The following AFG2A variants were observed in gnomAD, a reference collection of about 807,000 sequenced individuals.
AFG2A encodes the protein ATPase family gene 2 protein homolog A.
the AFG2A span, chr4:122,933,434 T>C: frequency 6.2e-7 from 1 of 1,611,508 alleles, no homozygotes; most frequent in African/African-American, 1.3e-5. Flanking sequence ...CTTATCCTTT[T>C]ACAGTGACAA....
At chr4:122,938,264 A>G in the AFG2A span, 2 of 1,553,788 alleles carry the variant, frequency 1.3e-6, no homozygotes, top group Non-Finnish European at 1.7e-6. Flanking sequence ...GTATAGCACT[A>G]GTATTGATTC....
At chr4:122,926,945 C>G in the AFG2A span, among the ~76,000 whole-genome samples, 6 of 151,468 alleles carry the variant, frequency 4.0e-5, no homozygotes, top group Admixed American at 4.0e-4. Flanking sequence ...ATGGTAAATG[C>G]TATTAACTGG....
the AFG2A span, among the ~76,000 whole-genome samples, chr4:123,278,092 T>A: frequency 6.6e-6 from 1 of 152,070 alleles, no homozygotes; most frequent in Non-Finnish European, 1.5e-5. Flanking sequence ...TGTCTGGTCC[T>A]GGGCTTTTCT....
chr4:123,240,455 G>T, the AFG2A span, among the ~76,000 whole-genome samples: 51 of 152,270 alleles, frequency 3.3e-4, 1 homozygote, highest in African/African-American at 1.2e-3. Flanking sequence ...AATGAAATTA[G>T]AACTCAGGAT....
chr4:123,128,713 GA>G, the AFG2A span, among the ~76,000 whole-genome samples: 13 of 149,598 alleles, frequency 8.7e-5, no homozygotes, highest in African/African-American at 2.7e-4. Context: ...TTCAGTGACT[GA>G]AAAAAAAATG....
the AFG2A span, among the ~76,000 whole-genome samples, chr4:123,263,670 A>G: frequency 6.6e-6 from 1 of 152,236 alleles, no homozygotes; most frequent in Non-Finnish European, 1.5e-5. Context: ...ATACCACTTT[A>G]TTCCTATAAG....
At chr4:123,024,902 G>T in the AFG2A span, among the ~76,000 whole-genome samples, 1 of 152,156 alleles carries the variant, frequency 6.6e-6, no homozygotes, top group South Asian at 2.1e-4. Flanking sequence ...CAGGCTCCTG[G>T]TCCTTCTCCC....
the AFG2A span, among the ~76,000 whole-genome samples, chr4:123,141,952 A>G: frequency 6.6e-6 from 1 of 152,062 alleles, no homozygotes; most frequent in Non-Finnish European, 1.5e-5. Context: ...CCTTGGCAGT[A>G]TTGTCCTTAG....
At chr4:123,127,214 A>G in the AFG2A span, among the ~76,000 whole-genome samples, 1 of 152,224 alleles carries the variant, frequency 6.6e-6, no homozygotes, top group South Asian at 2.1e-4. Context: ...CTAAAAATAA[A>G]TAAACATAAG....
the AFG2A span, among the ~76,000 whole-genome samples, chr4:123,033,289 C>T: frequency 6.6e-6 from 1 of 152,142 alleles, no homozygotes; most frequent in Non-Finnish European, 1.5e-5. Context: ...AACTTTCTGA[C>T]TCAAGAGTCT....
the AFG2A span, among the ~76,000 whole-genome samples, chr4:123,163,324 T>G: frequency 6.6e-6 from 1 of 152,104 alleles, no homozygotes; most frequent in Non-Finnish European, 1.5e-5. Flanking sequence ...TAATCCCAAC[T>G]ACTCGGGAGG....
chr4:122,952,116 T>G, the AFG2A span, among the ~76,000 whole-genome samples: 1 of 152,196 alleles, frequency 6.6e-6, no homozygotes, highest in Non-Finnish European at 1.5e-5. Flanking sequence ...TTTTGTAATG[T>G]CCTCTACTTG....
At chr4:123,149,049 G>A in the AFG2A span, among the ~76,000 whole-genome samples, 22 of 152,154 alleles carry the variant, frequency 1.4e-4, no homozygotes, top group African/African-American at 5.1e-4. Context: ...GATTATAGGC[G>A]TGAGCCACGG....
At chr4:122,939,519 C>G in the AFG2A span, among the ~76,000 whole-genome samples, 2 of 152,060 alleles carry the variant, frequency 1.3e-5, no homozygotes, top group Non-Finnish European at 2.9e-5. Flanking sequence ...ACTTTTCATG[C>G]TGGATTATGA....
the AFG2A span, chr4:123,313,989 G>A: frequency 6.2e-7 from 1 of 1,612,314 alleles, no homozygotes; most frequent in African/African-American, 1.3e-5. Flanking sequence ...TGAGCACTGT[G>A]ACACCTAGAA....
At chr4:123,196,928 T>A in the AFG2A span, among the ~76,000 whole-genome samples, 2 of 152,204 alleles carry the variant, frequency 1.3e-5, no homozygotes, top group Non-Finnish European at 2.9e-5. Context: ...ATTAATAATC[T>A]TACACAGAAT....
chr4:123,277,621 A>G, the AFG2A span, among the ~76,000 whole-genome samples: 1 of 152,156 alleles, frequency 6.6e-6, no homozygotes, highest in Admixed American at 6.5e-5. Context: ...TTTGTCATAG[A>G]TGGCTCTTAT....
chr4:123,167,543 T>A, the AFG2A span, among the ~76,000 whole-genome samples: 1 of 152,070 alleles, frequency 6.6e-6, no homozygotes, highest in Non-Finnish European at 1.5e-5. Context: ...GAGACGGGGT[T>A]TCACCATGTT....
the AFG2A span, among the ~76,000 whole-genome samples, chr4:122,982,203 G>A: frequency 6.6e-6 from 1 of 152,118 alleles, no homozygotes; most frequent in African/African-American, 2.4e-5. Context: ...TTTTTATCAT[G>A]AAAGGATGTT....
Sources: allele counts gnomAD v4.1 joint callset (sites outside exome capture counted in the v4.1 genomes callset), GRCh38; gene constraint gnomAD v4.1.1; transcripts MANE v1.5; gene names NCBI Gene and HGNC (gene_info 2026-07-23, HGNC 2026-07-21).